The following ITGAE variants were observed in gnomAD, a reference collection of about 807,000 sequenced individuals.
The protein encoded by ITGAE is integrin subunit alpha E.
ITGAE carries 99 observed loss-of-function variants against 136.5 expected under a neutral mutation model. That is an observed-to-expected ratio of 0.73 (90% CI 0.62 to 0.86). The LOEUF (loss-of-function observed/expected upper bound fraction) is 0.86. ITGAE is among the 40% of genes least tolerant of loss of function. The pLI is 0.00. For synonymous variants in ITGAE, 613 were observed against 591.8 expected, an observed-to-expected ratio of 1.04 and a Z score of -0.52; for missense variants, 1,447 against 1,515.3, an observed-to-expected ratio of 0.95 and a Z score of 0.75.
At position 3,777,662 on chromosome 17, in the gene ITGAE, T is replaced by C. The variant is rs1424100941; in HGVS notation, c.35-2A>G. On this transcript the variant is annotated splice_acceptor_variant, in intron 1 of 30. Coordinates refer to ENST00000263087, the MANE Select transcript of ITGAE (RefSeq NM_002208.5). LOFTEE classifies it high-confidence loss of function. ...TGAAAGCGGCCAGCAGGGCCAGGCCTGTAGGGAAAAGAGGAGCGTTTAATG... is the reference window on the plus strand; with the variant it reads ...TGAAAGCGGCCAGCAGGGCCAGGCCCGTAGGGAAAAGAGGAGCGTTTAATG... 3.7e-6 allele frequency: 6 copies of C among 1,605,992 alleles called. No individual in the cohort carries two copies. The highest frequency in any genetic ancestry group is 3.5e-5 in the Admixed American group (2 of 57,662).
chr17:3,794,817 G>A (rs1288948465), intron 1 of ITGAE, among the ~76,000 whole-genome samples: 4 of 152,294 alleles, frequency 2.6e-5, no homozygotes, highest in Admixed American at 6.5e-5. Context: ...CATGTTACGA[G>A]GGGTGGGTGG....
chr17:3,734,608 A>G (rs945374467), intron 21 of ITGAE, among the ~76,000 whole-genome samples: 1 of 152,170 alleles, frequency 6.6e-6, no homozygotes, highest in Admixed American at 6.6e-5. Flanking sequence ...AGGGCCGCAC[A>G]TAGGGAGGGT....
intron 2 of ITGAE, among the ~76,000 whole-genome samples, chr17:3,777,029 C>T (rs1269641759): frequency 3.3e-5 from 5 of 150,554 alleles, no homozygotes; most frequent in African/African-American, 4.9e-5. Flanking sequence ...GGCGCCATCT[C>T]GGTTCACTGC....
Position 3,773,016 on chromosome 17 carries a change from G to C in ITGAE, c.155+4524C>G, listed in dbSNP as rs576777299. On this transcript the variant is annotated intron_variant, in intron 2 of 30. Coordinates refer to ENST00000263087, the MANE Select transcript of ITGAE (RefSeq NM_002208.5). Reference sequence around the variant, plus strand: ...GTAGCATCAGCCCTCACAGGTCGAGGTCTCAGTCCCACAAGACTGCTCCTA... The same window carrying C: ...GTAGCATCAGCCCTCACAGGTCGAGCTCTCAGTCCCACAAGACTGCTCCTA... Among the ~76,000 whole-genome samples the C allele has an allele frequency of 2.0e-5, 3 of 152,248 alleles. No homozygotes were observed. In the East Asian group the frequency reaches 5.8e-4, roughly 29 times the overall value.
At chr17:3,720,209 G>A (rs1293948897) in intron 29 of ITGAE, 98 bp downstream of exon 29, 10 of 656,172 alleles carry the variant, frequency 1.5e-5, no homozygotes, top group Non-Finnish European at 2.8e-5. Context: ...AAGTGTTAAG[G>A]CTGAAAACAG....
chr17:3,729,270 ACCT>A, intron 24 of ITGAE: 1 of 544,998 alleles, frequency 1.8e-6, no homozygotes, highest in Non-Finnish European at 3.3e-6. Context: ...TTGGCAATAC[ACCT>A]CCTTTGATGA....
intron 14 of ITGAE, among the ~76,000 whole-genome samples, chr17:3,752,125 C>T (rs1397024612): frequency 1.3e-5 from 2 of 152,130 alleles, no homozygotes; most frequent in African/African-American, 4.8e-5. Context: ...CCGTTGCCAC[C>T]CAGGATGCAC....
intron 1 of ITGAE, among the ~76,000 whole-genome samples, chr17:3,795,227 C>T (rs2053036318): frequency 6.6e-6 from 1 of 152,180 alleles, no homozygotes; most frequent in African/African-American, 2.4e-5. Flanking sequence ...TCAGGGTGAT[C>T]TGTGATTCAG....
chr17:3,756,657 G>C (rs1351760976), intron 10 of ITGAE, among the ~76,000 whole-genome samples: 1 of 152,140 alleles, frequency 6.6e-6, no homozygotes, highest in Admixed American at 6.5e-5. Flanking sequence ...CACCGGCCTT[G>C]GCCTCCCAGA....
intron 26 of ITGAE, 110 bp from the exon 27 acceptor site, chr17:3,723,854 G>A: frequency 6.6e-7 from 1 of 1,523,232 alleles, no homozygotes; most frequent in Admixed American, 2.1e-5. Flanking sequence ...CCGGGAGCTA[G>A]GACCCCGCGG....
intron 1 of ITGAE, among the ~76,000 whole-genome samples, chr17:3,800,187 C>T (rs532289212): frequency 3.9e-5 from 6 of 152,304 alleles, no homozygotes; most frequent in African/African-American, 1.2e-4. Context: ...CTTGCTGGTA[C>T]CCTACACATT....
chr17:3,743,683 C>CTT (rs10642081), intron 18 of ITGAE, 66 bp from the exon 19 acceptor site: 860,711 of 1,374,880 alleles, frequency 0.63, 278,227 homozygotes, highest in African/African-American at 0.93. Flanking sequence ...AACAATAATG[C>CTT]TTTTTTTCTT....
At chr17:3,743,419 T>G in intron 19 of ITGAE, 70 bp downstream of exon 19, 1 of 1,478,064 alleles carries the variant, frequency 6.8e-7, no homozygotes, top group African/African-American at 1.4e-5. Flanking sequence ...TTCTTGGAAG[T>G]TAGGGGAGCA....
chr17:3,760,430 CTTTTTTTTTTTTTT>C (rs1208333239), intron 6 of ITGAE, 143 bp from the exon 7 acceptor site: 22 of 64,212 alleles, frequency 3.4e-4, no homozygotes, highest in Non-Finnish European at 5.8e-4. Flanking sequence ...AAGAGGGAAG[CTTTTTTTTTTTTTT>C]TTTTTTTTTT....
chr17:3,785,786 G>C (rs1289878470), intron 1 of ITGAE, among the ~76,000 whole-genome samples: 2 of 142,626 alleles, frequency 1.4e-5, no homozygotes, highest in Non-Finnish European at 3.0e-5. Flanking sequence ...TAGCAATACT[G>C]AACAAGAAAA....
chr17:3,746,046 C>A, intron 17 of ITGAE, 119 bp from the exon 18 acceptor site: 1 of 869,312 alleles, frequency 1.2e-6, no homozygotes, highest in Non-Finnish European at 1.8e-6. Context: ...CATGCAGGTA[C>A]TTCCCTGCGG....
intron 1 of ITGAE, among the ~76,000 whole-genome samples, chr17:3,794,933 C>G (rs1052368538): frequency 2.0e-5 from 3 of 152,184 alleles, no homozygotes; most frequent in East Asian, 1.9e-4. Flanking sequence ...GGCACCCCCC[C>G]GCTCTGCCCG....
At chr17:3,782,477 C>T (rs2052689966) in intron 1 of ITGAE, among the ~76,000 whole-genome samples, 1 of 151,330 alleles carries the variant, frequency 6.6e-6, no homozygotes, top group Admixed American at 6.6e-5. Flanking sequence ...AAGCGATTCT[C>T]CTGCCTCAGC....
At chr17:3,753,122 T>C (rs1292661348) in intron 14 of ITGAE, among the ~76,000 whole-genome samples, 168 bp downstream of exon 14, 1 of 152,192 alleles carries the variant, frequency 6.6e-6, no homozygotes, top group East Asian at 1.9e-4. Flanking sequence ...AGAAAGTGGG[T>C]GCGGAGAGCG....
Sources: allele counts gnomAD v4.1 joint callset (sites outside exome capture counted in the v4.1 genomes callset), GRCh38; gene constraint gnomAD v4.1.1; transcripts MANE v1.5; gene names NCBI Gene and HGNC (gene_info 2026-07-23, HGNC 2026-07-21).